Variants in RBMS1 observed in about 807,000 individuals in gnomAD.
RBMS1 encodes RNA-binding motif, single-stranded-interacting protein 1.
In RBMS1, 17 loss-of-function variants were observed where a neutral mutation model predicts 62.3. The observed-to-expected ratio is 0.27, with a 90% CI of 0.19 to 0.41. The LOEUF is 0.41. Among genes scored for constraint, RBMS1 ranks in the 10% least tolerant of loss-of-function variants. The probability of loss-of-function intolerance (pLI) is 1.00; values close to 1 mark genes in which losing one functional copy is unlikely to be tolerated. For missense variants in RBMS1, 334 were observed against 504.5 expected (o/e 0.66, Z 3.24); for synonymous variants, 172 against 170.0 (o/e 1.01, Z -0.09).
rs750588947 is a variant in RBMS1, at chr2:160,305,477, T to C, written c.403-1990A>G. ...CCTAAGAGCAAGAGGCTATACCACA[T>C]AGCCTAGGTGTACAGCAAGCTACAC... On this transcript the variant is annotated intron_variant, in intron 4 of 13. Transcript: ENST00000348849. Among the ~76,000 whole-genome samples the C allele has an allele frequency of 4.6e-5, 7 of 152,244 alleles. No individual in the cohort carries two copies. The South Asian group carries it at 1.4e-3, about 32-fold the overall frequency.
At chr2:160,449,827 A>T (rs894067654) in intron 1 of RBMS1, among the ~76,000 whole-genome samples, 3 of 70,556 alleles carry the variant, frequency 4.3e-5, no homozygotes, top group Admixed American at 1.8e-4. Flanking sequence ...ATCAATAAAT[A>T]CTAAAAAAAA....
chr2:160,413,505 G>A (rs535901547), intron 1 of RBMS1, among the ~76,000 whole-genome samples: 4 of 152,070 alleles, frequency 2.6e-5, no homozygotes, highest in African/African-American at 4.8e-5. Context: ...AAACGTAAAG[G>A]CTCCCTAGAC....
At chr2:160,424,874 A>T (rs1274343267) in intron 1 of RBMS1, among the ~76,000 whole-genome samples, 1 of 152,202 alleles carries the variant, frequency 6.6e-6, no homozygotes, top group Non-Finnish European at 1.5e-5. Context: ...GGAAAAAATG[A>T]GCAGCAATAG....
At chr2:160,426,265 G>GAAAGAAA (rs1682582322) in intron 1 of RBMS1, among the ~76,000 whole-genome samples, 1 of 118,356 alleles carries the variant, frequency 8.4e-6, no homozygotes, top group African/African-American at 3.3e-5. Context: ...AAGAAAGAAA[G>GAAAGAAA]AAAGAAAGAA....
At chr2:160,277,422 C>T (rs557959502) in intron 11 of RBMS1, 39 bp from the exon 12 acceptor site, 1 of 1,522,198 alleles carries the variant, frequency 6.6e-7, no homozygotes, top group Non-Finnish European at 9.1e-7. Flanking sequence ...CAATGGTAAA[C>T]CATGCAAAAT....
At position 160,313,137 on chromosome 2, in the gene RBMS1, T is replaced by C. The variant is rs1427352234; in HGVS notation, c.402+19A>G. On this transcript the variant is annotated intron_variant, in intron 4 of 13. Transcript: ENST00000348849. ...CCAAAGCTGTGGAACAGAGAAGCAA[T>C]TGCTGGCTCTCAACTCACCTTTGCC... 6 of 1,610,342 alleles carry C rather than the reference T, an allele frequency of 3.7e-6. No homozygotes were observed. The African/African-American group carries it at 8.0e-5, about 22-fold the overall frequency.
intron 1 of RBMS1, among the ~76,000 whole-genome samples, chr2:160,435,952 T>C (rs1683092633): frequency 6.6e-6 from 1 of 152,260 alleles, no homozygotes; most frequent in South Asian, 2.1e-4. Flanking sequence ...TGATAAGCAT[T>C]ACAGGATTCA....
At chr2:160,462,664 A>G (rs1684515661) in intron 1 of RBMS1, among the ~76,000 whole-genome samples, 1 of 152,112 alleles carries the variant, frequency 6.6e-6, no homozygotes, top group Non-Finnish European at 1.5e-5. Flanking sequence ...GCAGGAGTGC[A>G]ATAGCGCAAT....
chr2:160,352,364 C>T (rs1692565140), intron 2 of RBMS1, among the ~76,000 whole-genome samples: 1 of 152,104 alleles, frequency 6.6e-6, no homozygotes, highest in Admixed American at 6.6e-5. Context: ...GGATAAATGG[C>T]ACATTCCTTG....
At position 160,452,852 on chromosome 2, in the gene RBMS1, G is replaced by A. The variant is rs559873693; in HGVS notation, c.75+40437C>T. Among the ~76,000 whole-genome samples the A allele has an allele frequency of 2.0e-5, 3 of 152,318 alleles. No individual in the cohort carries two copies. The East Asian group carries it at 5.8e-4, about 29-fold the overall frequency. On this transcript the variant is annotated intron_variant, in intron 1 of 13. Transcript: ENST00000348849. ...CGAGTATGATAAAAGTCTCCCAGGA[G>A]AAATTAGGAGCTTATGAGATCACAT...
intron 2 of RBMS1, among the ~76,000 whole-genome samples, chr2:160,348,923 G>A (rs1187222531): frequency 1.3e-5 from 2 of 152,076 alleles, no homozygotes; most frequent in Non-Finnish European, 2.9e-5. Context: ...GATTACTTGA[G>A]TTTATTAATG....
Position 160,355,194 on chromosome 2 carries a change from GT to G in RBMS1, c.251+12021del, listed in dbSNP as rs1333339442. On this transcript the variant is annotated intron_variant, in intron 2 of 13. Coordinates refer to ENST00000348849, the MANE Select transcript of RBMS1 (RefSeq NM_016836.4). Reference sequence around the variant, plus strand: ...ACCATACAGGCTATCTCGACTGAGAGTTTCGAATCCACTATAAATAATCAGT... The same window carrying G: ...ACCATACAGGCTATCTCGACTGAGAGTTCGAATCCACTATAAATAATCAGT... Among the ~76,000 whole-genome samples the G allele has an allele frequency of 3.3e-5, 5 of 152,264 alleles. No individual in the cohort carries two copies. The South Asian group carries it at 8.3e-4, about 25-fold the overall frequency.
intron 1 of RBMS1, among the ~76,000 whole-genome samples, chr2:160,457,242 T>C (rs555717655): frequency 1.1e-4 from 16 of 152,276 alleles, no homozygotes; most frequent in African/African-American, 3.6e-4. Flanking sequence ...GTGATTATCC[T>C]GCCTCAGGCT....
intron 6 of RBMS1, among the ~76,000 whole-genome samples, chr2:160,300,399 C>G (rs1333401765): frequency 6.6e-6 from 1 of 152,168 alleles, no homozygotes; most frequent in Non-Finnish European, 1.5e-5. Context: ...AAGCTGGCTG[C>G]TGCATCAAAA....
intron 1 of RBMS1, among the ~76,000 whole-genome samples, chr2:160,390,142 T>C (rs1041808106): frequency 6.6e-6 from 1 of 152,210 alleles, no homozygotes; most frequent in Non-Finnish European, 1.5e-5. Context: ...ACAGGCATTA[T>C]TGCTTTTCCA....
intron 1 of RBMS1, among the ~76,000 whole-genome samples, chr2:160,485,307 G>T (rs1489415680): frequency 6.6e-6 from 1 of 152,028 alleles, no homozygotes; most frequent in Non-Finnish European, 1.5e-5. Context: ...GCCATAAAAG[G>T]GCAAAGCCTT....
intron 1 of RBMS1, among the ~76,000 whole-genome samples, chr2:160,395,767 T>C (rs1375918219): frequency 2.0e-5 from 3 of 152,220 alleles, no homozygotes; most frequent in African/African-American, 7.2e-5. Context: ...TTAACTCTTT[T>C]GACCCTTAAC....
At chr2:160,483,205 C>CT (rs573011388) in intron 1 of RBMS1, among the ~76,000 whole-genome samples, 2 of 151,588 alleles carry the variant, frequency 1.3e-5, no homozygotes, top group Non-Finnish European at 2.9e-5. Flanking sequence ...AAAAACACAA[C>CT]TTTTTTGTGA....
At chr2:160,348,631 CA>C (rs750024498) in intron 2 of RBMS1, among the ~76,000 whole-genome samples, 3 of 152,220 alleles carry the variant, frequency 2.0e-5, no homozygotes, top group Non-Finnish European at 4.4e-5. Flanking sequence ...TGATCAAATA[CA>C]GCATATGACC....
Sources: gnomAD v4.1 joint callset for allele counts (sites outside exome capture counted in the v4.1 genomes callset) on GRCh38, gnomAD v4.1.1 for gene constraint, MANE v1.5 for transcripts, NCBI Gene and HGNC (gene_info 2026-07-23, HGNC 2026-07-21) for gene names.